Variants in SIRT7 observed in about 807,000 individuals in gnomAD.
The protein encoded by SIRT7 is sirtuin 7, also known as NAD-dependent protein deacetylase sirtuin-7.
In SIRT7, 32 loss-of-function variants were observed where a neutral mutation model predicts 42.8. The ratio of observed to expected loss-of-function variants is 0.75; its 90% confidence interval spans 0.56 to 1.00. SIRT7 has a LOEUF of 1.00. Ranked by LOEUF, SIRT7 falls within the 50% of genes least tolerant of loss-of-function variation. SIRT7 has a pLI of 0.00. For synonymous variants in SIRT7, 297 were observed against 245.2 expected, an observed-to-expected ratio of 1.21 and a Z score of -1.97; for missense variants, 553 against 572.2, an observed-to-expected ratio of 0.97 and a Z score of 0.34.
chr17:81,914,179 G>C lies in SIRT7; in HGVS notation c.817-12C>G. 1 of 1,605,596 alleles carries C rather than the reference G, an allele frequency of 6.2e-7. No individual in the cohort carries two copies. The highest frequency in any genetic ancestry group is 8.5e-7 in the Non-Finnish European group (1 of 1,177,502). ...TACTTCTTTAGAACCTGTGGAAGCAGACAGACAGACACCGCACACACACAA... is the reference window on the plus strand; with the variant it reads ...TACTTCTTTAGAACCTGTGGAAGCACACAGACAGACACCGCACACACACAA... On this transcript the variant is annotated splice_polypyrimidine_tract_variant and intron_variant, in intron 7 of 9. Transcript: ENST00000328666.
chr17:81,914,925 T>C, intron 5 of SIRT7: 1 of 574,620 alleles, frequency 1.7e-6, no homozygotes, highest in Non-Finnish European at 3.1e-6. Flanking sequence ...CCTCCAGCCC[T>C]GATGCACCTG....
chr17:81,915,186 A>G, intron 5 of SIRT7: 1 of 563,130 alleles, frequency 1.8e-6, no homozygotes, highest in Non-Finnish European at 3.2e-6. Flanking sequence ...ATGCAAGGGA[A>G]TCACAAAGGG....
In SIRT7 at chr17:81,913,711, A is replaced by C. The variant is rs1403197513; in HGVS notation, c.1004+63T>G. ...TTCCTCCACACTCAGCTCACGAGAG[A>C]AGACAGACAAGGCCCAGCACACAGA... On this transcript the variant is annotated intron_variant, in intron 9 of 9. Transcript: ENST00000328666. This position sits in a 1 kb window ranked among gnomAD's most constrained non-coding sequence, Gnocchi z 5.0. 2.6e-5 allele frequency: 35 copies of C among 1,371,716 alleles called. No individual in the cohort carries two copies. The highest frequency in any genetic ancestry group is 4.9e-4 in the Middle Eastern group (2 of 4,052). The allele number at this position is 1,371,716 out of a possible 1,614,324, so 85.0% of individuals were successfully genotyped here.
In SIRT7 at chr17:81,914,510, G is replaced by A; in HGVS notation, c.600C>T (p.Pro200=). 1 of 1,613,220 alleles carries A rather than the reference G, an allele frequency of 6.2e-7. No individual in the cohort carries two copies. The highest frequency in any genetic ancestry group is 8.5e-7 in the Non-Finnish European group (1 of 1,180,012). Residue 200 remains proline (P), a synonymous_variant, in exon 7 of 10, where the codon CCC becomes CCT. Coordinates refer to ENST00000328666, the MANE Select transcript of SIRT7 (RefSeq NM_016538.3). The part of the protein sequence containing the change: ...MYIEVCTSCV[P]NREYVRVFDV... ...CGAACACCCGCACGTACTCCCTGTT[G>A]GGAACGCAGGAGGTACAGACCTAGA... is the stretch of plus-strand genomic sequence containing the variant.
At chr17:81,915,929 C>G in intron 3 of SIRT7, 1 of 511,260 alleles carries the variant, frequency 2.0e-6, no homozygotes. Context: ...GCACGCAGCC[C>G]TGCCTGCCTC....
chr17:81,912,900 G>A (rs1458278632), intron 9 of SIRT7: 2 of 498,872 alleles, frequency 4.0e-6, no homozygotes, highest in Admixed American at 3.3e-5. Flanking sequence ...CACACACAGG[G>A]TGGGGCAGCA....
rs771256424 is a variant in SIRT7, at chr17:81,915,653, G to C, written c.365C>G (p.Pro122Arg). ...TAASIPDYRGPNGVWTLLQKG... is the reference protein window; with the variant it reads ...TAASIPDYRGRNGVWTLLQKG... ...CTGAAGCAGTGTCCACACTCCATTA[G>C]GGCCCCGGTAGTCTGGGATAGACGC... The change falls in exon 4 of 10, where the codon CCT becomes CGT. Residue 122 changes from proline (P) to arginine (R), a missense_variant. Pro to Arg is a moderately radical substitution (Grantham distance 103). Coordinates refer to ENST00000328666, the MANE Select transcript of SIRT7 (RefSeq NM_016538.3). The C allele has an allele frequency of 6.2e-7, 1 of 1,613,940 alleles. No individual in the cohort carries two copies.
At position 81,913,141 on chromosome 17, in the gene SIRT7, G is replaced by C; in HGVS notation, c.1005-527C>G. 2 of 380,856 alleles carry C rather than the reference G, an allele frequency of 5.3e-6. No homozygotes were observed. Among genetic ancestry groups the C allele is most frequent in the Non-Finnish European group, 1.0e-5 (2 of 195,348 alleles). The allele number at this position is 380,856 out of a possible 1,614,324, so 23.6% of individuals were successfully genotyped here. A position where few individuals can be genotyped will look rare whatever the true frequency, so the allele number is the denominator to read the frequency against. On this transcript the variant is annotated intron_variant, in intron 9 of 9. Transcript: ENST00000328666. This position sits in a 1 kb window ranked among gnomAD's most constrained non-coding sequence, Gnocchi z 5.0. Reference sequence around the variant, plus strand: ...CGCACTGATAAGGAAAATGAGCTAAGTTAATGTAAAAAAAAAATACAGTAC... The same window carrying C: ...CGCACTGATAAGGAAAATGAGCTAACTTAATGTAAAAAAAAAATACAGTAC...
At chr17:81,914,858 A>C in intron 5 of SIRT7, 156 bp from the exon 6 acceptor site, 1 of 632,920 alleles carries the variant, frequency 1.6e-6, no homozygotes, top group Non-Finnish European at 2.8e-6. Context: ...AGTAAAACAC[A>C]CAACAGGTCC....
intron 3 of SIRT7, chr17:81,915,985 A>G (rs184291355): frequency 1.6e-4 from 65 of 418,234 alleles, no homozygotes; most frequent in African/African-American, 1.1e-3. Context: ...TCTGTGGCAC[A>G]TGTGTCCTCC....
In SIRT7 at chr17:81,913,784, C is replaced by CA; in HGVS notation, c.993_994insT (p.Ala332CysfsTer3). On this transcript the variant is annotated frameshift_variant, in exon 9 of 10. Transcript: ENST00000328666. LOFTEE classifies it high-confidence loss of function. The surrounding 1 kb of genome is among the most constrained non-coding windows in gnomAD (Gnocchi z 5.0). ...CAGCGGCTCACTCACCTGCTATAGG[C>CA]GGGGATCTCCAAGCCCAGCTCGGCC... 1 of 1,548,662 alleles carries CA rather than the reference C, an allele frequency of 6.5e-7. No homozygotes were observed. Among genetic ancestry groups the CA allele is most frequent in the Non-Finnish European group, 8.7e-7 (1 of 1,146,870 alleles).
intron 3 of SIRT7, 120 bp from the exon 4 acceptor site, chr17:81,915,801 G>GCCAGC: frequency 1.8e-6 from 2 of 1,124,834 alleles, no homozygotes; most frequent in Non-Finnish European, 2.6e-6. Context: ...CTGCATGTTG[G>GCCAGC]CCTCTATTCA....
In SIRT7 at chr17:81,915,162, A is replaced by AG. The variant is rs1255979211; in HGVS notation, c.480+277dup. ...TCCCCTGTGACTAGGATGGCTTCTG[A>AG]GGTCCACAGAAAAATGCAAGGGAAT... is the stretch of plus-strand genomic sequence containing the variant. On this transcript the variant is annotated intron_variant, in intron 5 of 9. Transcript: ENST00000328666. The AG allele has an allele frequency of 2.0e-5, 11 of 553,528 alleles. No individual in the cohort carries two copies. In the East Asian group the frequency reaches 2.5e-4, roughly 12 times the overall value. 34.3% of individuals were successfully genotyped at this position (553,528 alleles called of 1,614,324 possible). A position where few individuals can be genotyped will look rare whatever the true frequency, so the allele number is the denominator to read the frequency against.
At position 81,918,148 on chromosome 17, in the gene SIRT7, TG is replaced by T; in HGVS notation, c.-18del. 1 of 1,529,152 alleles carries T rather than the reference TG, an allele frequency of 6.5e-7. No individual in the cohort carries two copies. The highest frequency in any genetic ancestry group is 8.7e-7 in the Non-Finnish European group (1 of 1,147,950). The allele number at this position is 1,529,152 out of a possible 1,614,324, so 94.7% of individuals were successfully genotyped here. ...GGCTGCCATCGCTCCCCTGGAGACC[TG>T]CTCTTCCGCTTCCGCCTCACACGGC... On this transcript the variant is annotated 5_prime_UTR_variant, in exon 1 of 10. Transcript: ENST00000328666.
At position 81,913,723 on chromosome 17, in the gene SIRT7, G is replaced by T; in HGVS notation, c.1004+51C>A. The T allele has an allele frequency of 1.4e-6, 2 of 1,422,540 alleles. No individual in the cohort carries two copies. Among genetic ancestry groups the T allele is most frequent in the South Asian group, 1.2e-5 (1 of 81,226 alleles). The allele number at this position is 1,422,540 out of a possible 1,614,324, so 88.1% of individuals were successfully genotyped here. A position where few individuals can be genotyped will look rare whatever the true frequency, so the allele number is the denominator to read the frequency against. On this transcript the variant is annotated intron_variant, in intron 9 of 9. Coordinates refer to ENST00000328666, the MANE Select transcript of SIRT7 (RefSeq NM_016538.3). This position sits in a 1 kb window ranked among gnomAD's most constrained non-coding sequence, Gnocchi z 5.0. The stretch of plus-strand genomic sequence containing the variant: ...CAGCTCACGAGAGAAGACAGACAAG[G>T]CCCAGCACACAGAGGTGCGGGGAAG...
At position 81,913,873 on chromosome 17, in the gene SIRT7, G is replaced by A. The variant is rs2040740382; in HGVS notation, c.905C>T (p.Pro302Leu). 2.6e-6 allele frequency: 4 copies of A among 1,551,286 alleles called. No homozygotes were observed. Among genetic ancestry groups the A allele is most frequent in the South Asian group, 1.2e-5 (1 of 84,228 alleles). The change falls in exon 9 of 10, where the codon CCG becomes CTG. Residue 302 changes from proline (P) to leucine (L), a missense_variant. Transcript: ENST00000328666. The surrounding 1 kb of genome is among the most constrained non-coding windows in gnomAD (Gnocchi z 5.0). ...KLYIVNLQWT[P>L]KDDWAALKLH... ...CTTCAGGGCAGCCCAGTCATCCTTC[G>A]GGGTCCACTGAGGACAGGGAAAGCC...
chr17:81,913,762 C>T lies in SIRT7; in HGVS notation c.1004+12G>A, dbSNP rs186782470. 6.5e-5 allele frequency: 101 copies of T among 1,545,742 alleles called. No individual in the cohort carries two copies. In the East Asian group the frequency reaches 7.8e-4, roughly 12 times the overall value. ...GGTGCGGGGAAGCAGGCTGCTGCAG[C>T]GGCTCACTCACCTGCTATAGGCGGG... On this transcript the variant is annotated intron_variant, in intron 9 of 9. Coordinates refer to ENST00000328666, the MANE Select transcript of SIRT7 (RefSeq NM_016538.3). This position sits in a 1 kb window ranked among gnomAD's most constrained non-coding sequence, Gnocchi z 5.0.
Position 81,918,050 on chromosome 17 carries a change from GCTCC to G in SIRT7, c.78_81del (p.Arg26SerfsTer10). 1 of 1,512,186 alleles carries G rather than the reference GCTCC, an allele frequency of 6.6e-7. No individual in the cohort carries two copies. The highest frequency in any genetic ancestry group is 8.8e-7 in the Non-Finnish European group (1 of 1,138,340). 93.7% of individuals were successfully genotyped at this position (1,512,186 alleles called of 1,614,324 possible). A position where few individuals can be genotyped will look rare whatever the true frequency, so the allele number is the denominator to read the frequency against. On this transcript the variant is annotated frameshift_variant, in exon 1 of 10. Coordinates refer to ENST00000328666, the MANE Select transcript of SIRT7 (RefSeq NM_016538.3). LOFTEE classifies it high-confidence loss of function. ...CGGCGGCGGCGTACCTGGCGGAGGCGCTCCCTCTGCTGCTCCTCCCGCAACCTCC... is the reference window on the plus strand; with the variant it reads ...CGGCGGCGGCGTACCTGGCGGAGGCGCTCTGCTGCTCCTCCCGCAACCTCC...
rs896127132 is a variant in SIRT7 at position 81,913,955 on chromosome 17, C to T, written c.898-75G>A. 35 of 1,533,444 alleles carry T rather than the reference C, an allele frequency of 2.3e-5. 1 individual carries two copies. The highest frequency in any genetic ancestry group is 1.9e-4 in the East Asian group (8 of 41,802). The allele number at this position is 1,533,444 out of a possible 1,614,324, so 95.0% of individuals were successfully genotyped here. ...GGTGGCCTGTCAGCCTTGGCCCCTA[C>T]GGGCTCAGTCGGTGCTCCCTGAGCA... is the stretch of plus-strand genomic sequence containing the variant. On this transcript the variant is annotated intron_variant, in intron 8 of 9. Transcript: ENST00000328666. This position sits in a 1 kb window ranked among gnomAD's most constrained non-coding sequence, Gnocchi z 5.0.
Sources: allele counts gnomAD v4.1 joint callset, GRCh38; gene constraint gnomAD v4.1.1; non-coding constraint Gnocchi (gnomAD v3.1); transcripts MANE v1.5; gene names NCBI Gene and HGNC (gene_info 2026-07-23, HGNC 2026-07-21).